Variants in TGFA observed in about 807,000 individuals in gnomAD.
TGFA encodes the protein transforming growth factor alpha.
A neutral mutation model predicts 21.7 loss-of-function variants in TGFA; 12 were observed. That is an observed-to-expected ratio of 0.55 (90% confidence interval 0.35 to 0.90). The LOEUF (loss-of-function observed/expected upper bound fraction) is 0.90. TGFA is among the 40% of genes least tolerant of loss of function. TGFA has a pLI of 0.01. For missense variants in TGFA, 178 were observed against 210.8 expected (o/e 0.84, Z 0.96); for synonymous variants, 79 against 88.1 (o/e 0.90, Z 0.58).
intron 1 of TGFA, among the ~76,000 whole-genome samples, chr2:70,520,828 G>A (rs1672427165): frequency 6.6e-6 from 1 of 151,922 alleles, no homozygotes; most frequent in African/African-American, 2.4e-5. Context: ...TCTCCACAAG[G>A]CCTGTACCCC....
intron 1 of TGFA, 184 bp downstream of exon 1, chr2:70,553,544 G>C: frequency 7.3e-7 from 1 of 1,370,434 alleles, no homozygotes; most frequent in East Asian, 2.8e-5. Context: ...CGCTCGACCG[G>C]ACAGTCCCCT....
At chr2:70,526,524 T>C (rs1429168474) in intron 1 of TGFA, among the ~76,000 whole-genome samples, 2 of 152,212 alleles carry the variant, frequency 1.3e-5, no homozygotes, top group East Asian at 3.8e-4. Context: ...CAGAATCTCA[T>C]TTATTGACTC....
At chr2:70,529,981 C>A (rs1336904779) in intron 1 of TGFA, among the ~76,000 whole-genome samples, 1 of 152,164 alleles carries the variant, frequency 6.6e-6, no homozygotes, top group African/African-American at 2.4e-5. Context: ...TGGGGGTATA[C>A]TTTGGCCTCA....
intron 2 of TGFA, chr2:70,468,411 G>C (rs1384659859): frequency 2.6e-5 from 4 of 152,282 alleles, no homozygotes; most frequent in Non-Finnish European, 5.9e-5. Context: ...AACAGGCCCA[G>C]TCACTGGCTA....
intron 1 of TGFA, among the ~76,000 whole-genome samples, chr2:70,524,603 G>A: frequency 6.6e-6 from 1 of 152,226 alleles, no homozygotes; most frequent in East Asian, 1.9e-4. Flanking sequence ...CCAAGCTGAG[G>A]CACTCTGAAA....
At chr2:70,457,545 C>CTT (rs562850221) in intron 3 of TGFA, among the ~76,000 whole-genome samples, 11,554 of 143,688 alleles carry the variant, frequency 0.08, 624 homozygotes, top group Non-Finnish European at 0.11. Context: ...GGCGGGACTT[C>CTT]TTTTTTTTTT....
chr2:70,521,613 G>GTGTTTTTTT (rs532266930), intron 1 of TGFA, among the ~76,000 whole-genome samples: 2 of 74,050 alleles, frequency 2.7e-5, no homozygotes, highest in African/African-American at 8.4e-5. Context: ...GTTGTTGTTT[G>GTGTTTTTTT]TTTGTTTTTT....
At chr2:70,536,132 T>G (rs1466150916) in intron 1 of TGFA, among the ~76,000 whole-genome samples, 1 of 152,204 alleles carries the variant, frequency 6.6e-6, no homozygotes, top group Non-Finnish European at 1.5e-5. Context: ...ATAAAGAGTT[T>G]ATTAGAGAAG....
At chr2:70,486,106 C>T (rs2103770759) in intron 2 of TGFA, among the ~76,000 whole-genome samples, 1 of 152,348 alleles carries the variant, frequency 6.6e-6, no homozygotes, top group South Asian at 2.1e-4. Flanking sequence ...CTTTCTACTG[C>T]CCACTGGAGT....
rs1553489504 is a variant in TGFA, at chr2:70,450,843, T to C, written c.*16A>G. Reference sequence around the variant, plus strand: ...TCTGCCACAGTCCACCTGGCCAAACTCCTCCTCTGGGCTCTTCAGACCACT... The same window carrying C: ...TCTGCCACAGTCCACCTGGCCAAACCCCTCCTCTGGGCTCTTCAGACCACT... On this transcript the variant is annotated 3_prime_UTR_variant, in exon 6 of 6. Coordinates refer to ENST00000295400, the MANE Select transcript of TGFA (RefSeq NM_003236.4). The C allele has an allele frequency of 1.9e-6, 3 of 1,609,256 alleles. No homozygotes were observed. Among genetic ancestry groups the C allele is most frequent in the Admixed American group, 1.7e-5 (1 of 59,546 alleles).
Position 70,449,391 on chromosome 2 carries a change from A to C in TGFA, c.*1468T>G, listed in dbSNP as rs1260553525. 6.5e-6 allele frequency: 1 copy of C among 153,030 alleles called. No homozygotes were observed. Among genetic ancestry groups the C allele is most frequent in the Non-Finnish European group, 1.5e-5 (1 of 68,420 alleles). The allele number at this position is 153,030 out of a possible 1,614,324, so 9.5% of individuals were successfully genotyped here. A position where few individuals can be genotyped will look rare whatever the true frequency, so the allele number is the denominator to read the frequency against. Reference sequence around the variant, plus strand: ...GATATTAGTAGCATTTCCTCACATAAGGAGTTTATATATTATTTCTTCATT... The same window carrying C: ...GATATTAGTAGCATTTCCTCACATACGGAGTTTATATATTATTTCTTCATT... On this transcript the variant is annotated 3_prime_UTR_variant, in exon 6 of 6. Transcript: ENST00000295400.
At chr2:70,502,789 T>C (rs1452443142) in intron 2 of TGFA, among the ~76,000 whole-genome samples, 2 of 152,254 alleles carry the variant, frequency 1.3e-5, no homozygotes, top group Non-Finnish European at 2.9e-5. Flanking sequence ...CTTTCTGTCT[T>C]TGTAAATCTA....
At chr2:70,549,519 A>G (rs1673421045) in intron 1 of TGFA, among the ~76,000 whole-genome samples, 1 of 152,206 alleles carries the variant, frequency 6.6e-6, no homozygotes, top group Admixed American at 6.5e-5. Context: ...CATTTTAACC[A>G]GCCCTCCAGA....
At chr2:70,471,647 G>A (rs1553493316) in intron 2 of TGFA, among the ~76,000 whole-genome samples, 1 of 152,230 alleles carries the variant, frequency 6.6e-6, no homozygotes, top group African/African-American at 2.4e-5. Context: ...GCACTTTGGT[G>A]AAGGTAGGGG....
At chr2:70,507,172 G>A (rs529328405) in intron 2 of TGFA, among the ~76,000 whole-genome samples, 6 of 152,318 alleles carry the variant, frequency 3.9e-5, no homozygotes, top group Non-Finnish European at 7.4e-5. Flanking sequence ...CCTGAGCCTC[G>A]GAGCCTCGGC....
At position 70,450,967 on chromosome 2, in the gene TGFA, C is replaced by G. The variant is rs1449601834; in HGVS notation, c.476-101G>C. 3 of 1,434,376 alleles carry G rather than the reference C, an allele frequency of 2.1e-6. No homozygotes were observed. In the African/African-American group the frequency reaches 4.2e-5, roughly 20 times the overall value. 88.9% of individuals were successfully genotyped at this position (1,434,376 alleles called of 1,614,324 possible). A position where few individuals can be genotyped will look rare whatever the true frequency, so the allele number is the denominator to read the frequency against. Reference sequence around the variant, plus strand: ...GACTTGGAGATGGCAGAGCCAATGTCACCAAGTTCTCTCGGGCAGTTAGGC... The same window carrying G: ...GACTTGGAGATGGCAGAGCCAATGTGACCAAGTTCTCTCGGGCAGTTAGGC... On this transcript the variant is annotated intron_variant, in intron 5 of 5. Transcript: ENST00000295400.
At chr2:70,520,410 G>T (rs1264802237) in intron 1 of TGFA, among the ~76,000 whole-genome samples, 1 of 52 alleles carries the variant, frequency 0.019, no homozygotes, top group Non-Finnish European at 0.045. Context: ...AGCTACTTGG[G>T]AGGCAGAGGA....
intron 1 of TGFA, chr2:70,553,313 G>T (rs1403467228): frequency 1.3e-6 from 2 of 1,511,280 alleles, no homozygotes; most frequent in Admixed American, 2.2e-5. Context: ...CGGCCAGAGG[G>T]TTAGACGCCG....
chr2:70,492,556 G>T (rs1553497830), intron 2 of TGFA, among the ~76,000 whole-genome samples: 11 of 152,218 alleles, frequency 7.2e-5, no homozygotes, highest in Non-Finnish European at 4.4e-5. Flanking sequence ...CTGCTGGTTG[G>T]CACCAGGGCC....
Sources: allele counts gnomAD v4.1 joint callset (sites outside exome capture counted in the v4.1 genomes callset), GRCh38; gene constraint gnomAD v4.1.1; transcripts MANE v1.5; gene names NCBI Gene and HGNC (gene_info 2026-07-23, HGNC 2026-07-21).